Variants in STPG2 observed in about 807,000 individuals in gnomAD.
The protein encoded by STPG2 is sperm-tail PG-rich repeat-containing protein 2.
Under a neutral mutation model 54.2 loss-of-function variants are expected in STPG2, and 56 were observed. The observed-to-expected ratio is 1.03, with a 90% CI of 0.83 to 1.29. The LOEUF is 1.29. STPG2 is among the 50% of genes most tolerant of loss of function. The pLI, the probability that STPG2 is intolerant of heterozygous loss-of-function variation, is 0.00. For missense variants in STPG2, 596 were observed against 544.9 expected (o/e 1.09, Z -0.93); for synonymous variants, 200 against 181.8 (o/e 1.10, Z -0.81).
chr4:97,558,540 G>C (rs1052788907), downstream of STPG2, among the ~76,000 whole-genome samples: 5 of 152,096 alleles, frequency 3.3e-5, no homozygotes, highest in African/African-American at 1.2e-4. Context: ...TGTATGCTAC[G>C]CTATAGAGAG....
chr4:97,450,061 T>TG lies in STPG2; in HGVS notation c.463-262229dup, dbSNP rs552248933. Reference sequence around the variant, plus strand: ...TAAAATTGGAACTGAATAAAGTTTGTGGGGTAATCCTTCAATCATTAAAAA... The same window carrying TG: ...TAAAATTGGAACTGAATAAAGTTTGTGGGGGTAATCCTTCAATCATTAAAAA... On this transcript the variant is annotated intron_variant, in intron 4 of 4. Transcript: ENST00000522676. Among the ~76,000 whole-genome samples, 218 of 152,338 alleles carry TG rather than the reference T, an allele frequency of 1.4e-3. 1 individual carries two copies. Among genetic ancestry groups the TG allele is most frequent in the Non-Finnish European group, 2.7e-3 (183 of 68,022 alleles).
chr4:97,447,518 G>A lies in STPG2; in HGVS notation c.463-259685C>T, dbSNP rs550596466. 2.6e-5 allele frequency among the ~76,000 whole-genome samples: 4 copies of A among 152,276 alleles called. No individual in the cohort carries two copies. In the South Asian group the frequency reaches 6.2e-4, roughly 24 times the overall value. On this transcript the variant is annotated intron_variant, in intron 4 of 4. Coordinates refer to the STPG2 transcript ENST00000522676. ...GGGACCAAGTCTTCCACTGCTCTGTGCAGCCTCAGTATATGGTGTCCTATG... is the reference window on the plus strand; with the variant it reads ...GGGACCAAGTCTTCCACTGCTCTGTACAGCCTCAGTATATGGTGTCCTATG...
intron 10 of STPG2, among the ~76,000 whole-genome samples, chr4:97,623,976 T>C (rs544665107): frequency 6.6e-6 from 1 of 152,308 alleles, no homozygotes; most frequent in African/African-American, 2.4e-5. Context: ...TCTCATTCCT[T>C]TTTATGGCTG....
At chr4:97,935,094 G>A (rs1732700566) in intron 8 of STPG2, among the ~76,000 whole-genome samples, 1 of 152,098 alleles carries the variant, frequency 6.6e-6, no homozygotes, top group Non-Finnish European at 1.5e-5. Flanking sequence ...TGTGGTGTAT[G>A]TGTCCAGGAA....
chr4:97,560,591 T>C (rs1425086922), intron 10 of STPG2, among the ~76,000 whole-genome samples: 1 of 152,168 alleles, frequency 6.6e-6, no homozygotes, highest in Non-Finnish European at 1.5e-5. Context: ...GTTAAAGCCA[T>C]AGATCTAAAT....
At chr4:97,989,463 T>C (rs971612870) in intron 5 of STPG2, among the ~76,000 whole-genome samples, 5 of 152,140 alleles carry the variant, frequency 3.3e-5, no homozygotes, top group African/African-American at 1.2e-4. Context: ...TATATATCTA[T>C]GATAAAGTTT....
At chr4:97,742,615 T>A (rs1725296154) in intron 9 of STPG2, among the ~76,000 whole-genome samples, 1 of 149,880 alleles carries the variant, frequency 6.7e-6, no homozygotes, top group African/African-American at 2.4e-5. Context: ...TCTTACCTTT[T>A]GCAACAACAT....
chr4:97,827,186 A>C (rs1728284828), intron 9 of STPG2, among the ~76,000 whole-genome samples: 1 of 149,958 alleles, frequency 6.7e-6, no homozygotes, highest in South Asian at 2.1e-4. Flanking sequence ...AATGTTGCTG[A>C]TCCTTTGTTT....
chr4:97,668,652 G>A (rs1287146446), intron 10 of STPG2, among the ~76,000 whole-genome samples: 1 of 150,132 alleles, frequency 6.7e-6, no homozygotes, highest in Non-Finnish European at 1.5e-5. Context: ...AAGGAAGAAA[G>A]GAGGAAGGAA....
At chr4:97,910,633 T>G (rs917540053) in intron 8 of STPG2, among the ~76,000 whole-genome samples, 3 of 152,100 alleles carry the variant, frequency 2.0e-5, no homozygotes, top group African/African-American at 7.2e-5. Flanking sequence ...AAACTGTAAT[T>G]TCATAACACG....
chr4:97,853,142 A>G (rs1487055574), intron 8 of STPG2, among the ~76,000 whole-genome samples: 2 of 151,630 alleles, frequency 1.3e-5, no homozygotes, highest in Non-Finnish European at 2.9e-5. Context: ...GCGCCCAGCT[A>G]ATTTTTTGTA....
chr4:97,749,292 A>T (rs745861821), intron 9 of STPG2, among the ~76,000 whole-genome samples: 1 of 151,750 alleles, frequency 6.6e-6, no homozygotes, highest in Non-Finnish European at 1.5e-5. Context: ...TATCTTTGTC[A>T]TACTAACACT....
intron 8 of STPG2, among the ~76,000 whole-genome samples, chr4:97,863,626 C>A (rs1019406263): frequency 1.3e-5 from 2 of 152,272 alleles, no homozygotes; most frequent in South Asian, 4.2e-4. Context: ...GACACCAAAG[C>A]CTGGCAGAGA....
At chr4:97,842,324 A>T (rs1332839033) in intron 8 of STPG2, among the ~76,000 whole-genome samples, 1 of 151,786 alleles carries the variant, frequency 6.6e-6, no homozygotes, top group Non-Finnish European at 1.5e-5. Flanking sequence ...ATACAGTAAA[A>T]CTAGGCTGAA....
At chr4:97,981,369 T>C (rs752317274) in intron 5 of STPG2, 51 bp from the exon 6 acceptor site, 3 of 1,585,910 alleles carry the variant, frequency 1.9e-6, no homozygotes, top group Middle Eastern at 1.7e-4. Context: ...TACATTTTGA[T>C]ACTTCATGAG....
intron 10 of STPG2, among the ~76,000 whole-genome samples, chr4:97,610,921 A>G (rs1195284665): frequency 1.3e-5 from 2 of 152,088 alleles, no homozygotes; most frequent in East Asian, 3.9e-4. Flanking sequence ...GTAAAATAAA[A>G]GTAAATTTTA....
At chr4:97,637,776 C>T (rs1721609614) in intron 10 of STPG2, among the ~76,000 whole-genome samples, 1 of 152,200 alleles carries the variant, frequency 6.6e-6, no homozygotes, top group Non-Finnish European at 1.5e-5. Context: ...CCTAGGAATC[C>T]AACTTACAAG....
intron 4 of STPG2, among the ~76,000 whole-genome samples, chr4:97,503,353 C>G (rs544133629): frequency 1.3e-5 from 2 of 151,658 alleles, no homozygotes; most frequent in Non-Finnish European, 2.9e-5. Flanking sequence ...GTGAGAAGAC[C>G]GCATAGTTTA....
At chr4:97,503,049 A>G (rs1439223284) in intron 4 of STPG2, among the ~76,000 whole-genome samples, 1 of 152,038 alleles carries the variant, frequency 6.6e-6, no homozygotes, top group East Asian at 1.9e-4. Flanking sequence ...CCTATATACT[A>G]TTTGGTTACC....
Sources: allele counts gnomAD v4.1 joint callset (sites outside exome capture counted in the v4.1 genomes callset), GRCh38; gene constraint gnomAD v4.1.1; transcripts MANE v1.5; gene names NCBI Gene and HGNC (gene_info 2026-07-23, HGNC 2026-07-21).